The following CFAP95 variants were observed in gnomAD, a reference collection of about 807,000 sequenced individuals.
The protein encoded by CFAP95 is cilia- and flagella-associated protein 95.
At chr9:69,858,687 G>C in the CFAP95 span, among the ~76,000 whole-genome samples, 1 of 152,192 alleles carries the variant, frequency 6.6e-6, no homozygotes, top group Non-Finnish European at 1.5e-5. Context: ...AATGTGACCA[G>C]AGGCTTGCAG....
the CFAP95 span, among the ~76,000 whole-genome samples, chr9:69,837,528 T>G: frequency 6.6e-6 from 1 of 152,244 alleles, no homozygotes; most frequent in Non-Finnish European, 1.5e-5. Context: ...ATAAATGTCT[T>G]CTTTTGAGAA....
the CFAP95 span, among the ~76,000 whole-genome samples, chr9:69,833,572 G>A: frequency 1.5e-4 from 23 of 152,170 alleles, no homozygotes; most frequent in African/African-American, 5.5e-4. Context: ...GTGCAGCTGC[G>A]GGAAATGTAA....
chr9:69,868,376 G>T, the CFAP95 span, among the ~76,000 whole-genome samples: 2 of 151,934 alleles, frequency 1.3e-5, no homozygotes, highest in African/African-American at 4.8e-5. Context: ...CACTGCAAAA[G>T]AAACAAAAAT....
the CFAP95 span, among the ~76,000 whole-genome samples, chr9:69,897,570 T>TC: frequency 6.6e-6 from 1 of 151,940 alleles, no homozygotes; most frequent in East Asian, 1.9e-4. Flanking sequence ...AAGGATGAAA[T>TC]CCTATATGAA....
At chr9:69,854,508 T>C in the CFAP95 span, among the ~76,000 whole-genome samples, 22 of 152,262 alleles carry the variant, frequency 1.4e-4, no homozygotes, top group Non-Finnish European at 2.6e-4. Flanking sequence ...TTCTACTTTC[T>C]AGCTGATTTG....
chr9:69,826,656 T>G, the CFAP95 span, among the ~76,000 whole-genome samples: 1 of 152,174 alleles, frequency 6.6e-6, no homozygotes, highest in Admixed American at 6.6e-5. Flanking sequence ...GTACACATTT[T>G]TAAGTTTGGT....
At chr9:69,872,586 A>G in the CFAP95 span, among the ~76,000 whole-genome samples, 1 of 152,100 alleles carries the variant, frequency 6.6e-6, no homozygotes, top group Non-Finnish European at 1.5e-5. Context: ...GTTCTTAACA[A>G]GTGCTGGGCT....
chr9:69,859,352 T>C, the CFAP95 span, among the ~76,000 whole-genome samples: 1 of 152,136 alleles, frequency 6.6e-6, no homozygotes, highest in Non-Finnish European at 1.5e-5. Context: ...ATCTTTTTTT[T>C]TGGTTTCATG....
the CFAP95 span, among the ~76,000 whole-genome samples, chr9:69,888,196 T>C: frequency 2.0e-5 from 3 of 152,150 alleles, no homozygotes; most frequent in Non-Finnish European, 4.4e-5. Flanking sequence ...GACAAACAGA[T>C]AAGAATAATC....
At chr9:69,905,097 T>G in the CFAP95 span, among the ~76,000 whole-genome samples, 1 of 152,210 alleles carries the variant, frequency 6.6e-6, no homozygotes, top group Non-Finnish European at 1.5e-5. Flanking sequence ...TCAATACTTG[T>G]GCCTAACCCA....
chr9:69,868,678 C>G, the CFAP95 span, among the ~76,000 whole-genome samples: 2 of 130,956 alleles, frequency 1.5e-5, no homozygotes, highest in Admixed American at 7.6e-5. Flanking sequence ...AAAAAAAAAA[C>G]CAAAAACAAA....
the CFAP95 span, among the ~76,000 whole-genome samples, chr9:69,868,114 C>G: frequency 0.6 from 91,553 of 151,968 alleles, 27,896 homozygotes; most frequent in East Asian, 0.82. Flanking sequence ...ATCAGAGATG[C>G]AAGCAGTTCA....
chr9:69,832,661 C>T, the CFAP95 span, among the ~76,000 whole-genome samples: 94 of 22,410 alleles, frequency 4.2e-3, no homozygotes, highest in Non-Finnish European at 5.1e-3. Flanking sequence ...TTAACAGTAC[C>T]TTTTTTTTTT....
chr9:69,838,288 T>TG, the CFAP95 span, among the ~76,000 whole-genome samples: 2 of 152,174 alleles, frequency 1.3e-5, no homozygotes, highest in Admixed American at 6.5e-5. Context: ...GGTAGCTTGA[T>TG]GGGGATGGCA....
At chr9:69,878,770 C>T in the CFAP95 span, among the ~76,000 whole-genome samples, 1 of 152,012 alleles carries the variant, frequency 6.6e-6, no homozygotes, top group Non-Finnish European at 1.5e-5. Flanking sequence ...TAAAGAAATC[C>T]CTGAGACTGG....
chr9:69,873,291 C>G, the CFAP95 span, among the ~76,000 whole-genome samples: 3 of 152,070 alleles, frequency 2.0e-5, no homozygotes, highest in Non-Finnish European at 4.4e-5. Flanking sequence ...GATCCTGTCT[C>G]CAATAAATAA....
chr9:69,827,095 C>T, the CFAP95 span, among the ~76,000 whole-genome samples: 3 of 152,168 alleles, frequency 2.0e-5, no homozygotes, highest in Non-Finnish European at 2.9e-5. Context: ...GGGAGCTAAG[C>T]TTGTGCTGTT....
At chr9:69,857,807 C>A in the CFAP95 span, 1 of 998,044 alleles carries the variant, frequency 1.0e-6, no homozygotes, top group Non-Finnish European at 1.5e-6. Context: ...GGATTACAGG[C>A]GTGAGCCACT....
the CFAP95 span, chr9:69,902,474 G>A: frequency 3.2e-6 from 1 of 315,952 alleles, no homozygotes; most frequent in South Asian, 2.7e-5. Context: ...TTTGGTTGGT[G>A]TTTTTCTGAA....
Sources: allele counts gnomAD v4.1 joint callset (sites outside exome capture counted in the v4.1 genomes callset), GRCh38; gene constraint gnomAD v4.1.1; transcripts MANE v1.5; gene names NCBI Gene and HGNC (gene_info 2026-07-23, HGNC 2026-07-21).